Variants in NHSL3 observed in about 807,000 individuals in gnomAD.
The protein encoded by NHSL3 is NHS-like protein 3.
the NHSL3 span, chr1:32,770,159 G>C: frequency 6.9e-6 from 11 of 1,594,962 alleles, no homozygotes; most frequent in Admixed American, 1.7e-5. This position sits in a 1 kb window ranked among gnomAD's most constrained non-coding sequence, Gnocchi z 8.3. Flanking sequence ...GCAGTGCCTG[G>C]ATTGACAGGA....
At chr1:32,769,745 G>A in the NHSL3 span, 7 of 1,613,870 alleles carry the variant, frequency 4.3e-6, no homozygotes, top group African/African-American at 4.0e-5. Flanking sequence ...GAGCGGCGGA[G>A]CACTGTGCTG....
the NHSL3 span, chr1:32,765,661 C>A: frequency 6.5e-7 from 1 of 1,532,784 alleles, no homozygotes; most frequent in Admixed American, 2.0e-5. Context: ...TGCGGCGGGG[C>A]GGGAGGGCTC....
the NHSL3 span, chr1:32,768,622 C>A: frequency 6.2e-7 from 1 of 1,612,202 alleles, no homozygotes; most frequent in Non-Finnish European, 8.5e-7. Flanking sequence ...GAGGAGACAG[C>A]CCCACCCAGA....
chr1:32,760,878 C>G, the NHSL3 span, among the ~76,000 whole-genome samples: 2 of 152,258 alleles, frequency 1.3e-5, no homozygotes, highest in African/African-American at 4.8e-5. Flanking sequence ...TGTGAGCCAC[C>G]GCACCCGGCC....
chr1:32,757,975 C>T, the NHSL3 span, among the ~76,000 whole-genome samples: 1 of 152,126 alleles, frequency 6.6e-6, no homozygotes, highest in South Asian at 2.1e-4. Context: ...GAGGACTAAG[C>T]ATTAAAGCCT....
At chr1:32,768,667 C>A in the NHSL3 span, 1 of 1,614,140 alleles carries the variant, frequency 6.2e-7, no homozygotes, top group South Asian at 1.1e-5. Flanking sequence ...CCGGACGGGG[C>A]CGGATGAAGA....
chr1:32,765,874 C>A, the NHSL3 span: 1 of 1,491,296 alleles, frequency 6.7e-7, no homozygotes. Context: ...TCGATGCCTC[C>A]CTTTCCCAGA....
At chr1:32,758,394 C>CTT in the NHSL3 span, among the ~76,000 whole-genome samples, 3 of 152,240 alleles carry the variant, frequency 2.0e-5, no homozygotes, top group Admixed American at 2.0e-4. Flanking sequence ...ATCTGGAATT[C>CTT]TTTTCATCCT....
chr1:32,748,526 C>T, the NHSL3 span, among the ~76,000 whole-genome samples: 5 of 152,132 alleles, frequency 3.3e-5, no homozygotes, highest in Admixed American at 2.0e-4. Flanking sequence ...GGAATGTGCT[C>T]CCCTTCACTT....
the NHSL3 span, among the ~76,000 whole-genome samples, chr1:32,766,631 A>G: frequency 2.0e-5 from 3 of 152,142 alleles, no homozygotes; most frequent in Admixed American, 6.5e-5. Context: ...GGGAGGAGGA[A>G]AGGCAGGTTT....
chr1:32,763,929 T>A, the NHSL3 span, among the ~76,000 whole-genome samples: 1 of 152,024 alleles, frequency 6.6e-6, no homozygotes, highest in African/African-American at 2.4e-5. Context: ...GGCTCAAACA[T>A]GGCTCACGGC....
At chr1:32,745,285 C>T in the NHSL3 span, among the ~76,000 whole-genome samples, 6 of 152,162 alleles carry the variant, frequency 3.9e-5, no homozygotes, top group Non-Finnish European at 5.9e-5. Flanking sequence ...CTTGACTGGG[C>T]GTGGTGGCTC....
At chr1:32,772,295 C>G in the NHSL3 span, 2 of 1,605,864 alleles carry the variant, frequency 1.2e-6, no homozygotes, top group Admixed American at 1.7e-5. Flanking sequence ...CCCGCCTCCC[C>G]CAGTTACCCT....
At chr1:32,769,282 A>G in the NHSL3 span, among the ~76,000 whole-genome samples, 1 of 152,160 alleles carries the variant, frequency 6.6e-6, no homozygotes, top group East Asian at 1.9e-4. Flanking sequence ...GAGTTAGAAA[A>G]TCTTAACTGT....
chr1:32,742,217 G>A, the NHSL3 span: 1 of 1,242,490 alleles, frequency 8.0e-7, no homozygotes. Flanking sequence ...TGGGCTGAGC[G>A]CGGGGGGGCG....
chr1:32,769,567 C>T, the NHSL3 span: 3 of 896,894 alleles, frequency 3.3e-6, no homozygotes, highest in Non-Finnish European at 5.4e-6. Flanking sequence ...ACCTACTTGA[C>T]TGTGGAAACC....
At chr1:32,744,543 G>A in the NHSL3 span, among the ~76,000 whole-genome samples, 1 of 152,172 alleles carries the variant, frequency 6.6e-6, no homozygotes, top group Non-Finnish European at 1.5e-5. Flanking sequence ...CAGCAGGTAA[G>A]GCTTGAAGAT....
the NHSL3 span, among the ~76,000 whole-genome samples, chr1:32,746,004 G>A: frequency 6.6e-6 from 1 of 152,070 alleles, no homozygotes; most frequent in African/African-American, 2.4e-5. Flanking sequence ...GCTGAGGCGG[G>A]CGGATCACAA....
chr1:32,760,592 T>G, the NHSL3 span, among the ~76,000 whole-genome samples: 3 of 108,310 alleles, frequency 2.8e-5, no homozygotes, highest in East Asian at 5.9e-4. Flanking sequence ...GTGTGTGTTT[T>G]TTTTTTTTTT....
Sources: allele counts gnomAD v4.1 joint callset (sites outside exome capture counted in the v4.1 genomes callset), GRCh38; gene constraint gnomAD v4.1.1; non-coding constraint Gnocchi (gnomAD v3.1); transcripts MANE v1.5; gene names NCBI Gene and HGNC (gene_info 2026-07-23, HGNC 2026-07-21).